CCDC169: variants seen among roughly 807,000 people sequenced by gnomAD.
The protein encoded by CCDC169 is coiled-coil domain-containing protein 169.
CCDC169 carries 30 observed loss-of-function variants against 36.0 expected under a neutral mutation model. That is an observed-to-expected ratio of 0.83 (90% CI 0.62 to 1.13). The LOEUF is 1.13. CCDC169 is among the 50% of genes most tolerant of loss of function. CCDC169 has a pLI of 0.00. For missense variants in CCDC169, 245 were observed against 245.9 expected, an observed-to-expected ratio of 1.00 and a Z score of 0.03; for synonymous variants, 85 against 81.5, an observed-to-expected ratio of 1.04 and a Z score of -0.23.
chr13:36,235,597 T>C (rs1469007030), intron 7 of CCDC169, among the ~76,000 whole-genome samples: 1 of 151,826 alleles, frequency 6.6e-6, no homozygotes, highest in Non-Finnish European at 1.5e-5. Context: ...TTACCACTTC[T>C]ATTCAACATT....
intron 2 of CCDC169, among the ~76,000 whole-genome samples, chr13:36,289,128 C>T (rs1878582214): frequency 6.6e-6 from 1 of 152,112 alleles, no homozygotes; most frequent in African/African-American, 2.4e-5. Context: ...TATTACTTTT[C>T]TCTTAATAAA....
At chr13:36,265,883 T>G (rs552214334) in intron 4 of CCDC169, among the ~76,000 whole-genome samples, 7 of 152,324 alleles carry the variant, frequency 4.6e-5, no homozygotes, top group Non-Finnish European at 8.8e-5. Context: ...ATTTGGAATT[T>G]GGTCATAGAT....
At chr13:36,242,398 C>T (rs1320397693) in intron 7 of CCDC169, among the ~76,000 whole-genome samples, 2 of 152,078 alleles carry the variant, frequency 1.3e-5, no homozygotes, top group East Asian at 3.9e-4. Context: ...CTGTGAGGTG[C>T]CTAATACCGT....
At chr13:36,288,659 G>C (rs1483380475) in intron 2 of CCDC169, among the ~76,000 whole-genome samples, 1 of 152,022 alleles carries the variant, frequency 6.6e-6, no homozygotes, top group Admixed American at 6.6e-5. Flanking sequence ...AAAATTTAAG[G>C]TTACTAAGAA....
chr13:36,281,147 G>C (rs67248236), intron 4 of CCDC169: 65 of 361,236 alleles, frequency 1.8e-4, no homozygotes, highest in South Asian at 1.3e-3. Context: ...CTTTAAACAC[G>C]AGGACAAAAG....
At chr13:36,231,731 T>G (rs1317978168) in intron 7 of CCDC169, among the ~76,000 whole-genome samples, 1 of 152,114 alleles carries the variant, frequency 6.6e-6, no homozygotes, top group Non-Finnish European at 1.5e-5. Context: ...TCTTAGGGGG[T>G]GATGGCAGCA....
At chr13:36,259,272 C>T (rs1425724443) in intron 4 of CCDC169, among the ~76,000 whole-genome samples, 1 of 152,148 alleles carries the variant, frequency 6.6e-6, no homozygotes, top group African/African-American at 2.4e-5. Flanking sequence ...ACCATCTTGT[C>T]GTGGCTTCCC....
At chr13:36,283,204 A>G (rs999429838) in intron 4 of CCDC169, 7 of 450,006 alleles carry the variant, frequency 1.6e-5, no homozygotes, top group African/African-American at 1.4e-4. Context: ...ATTTGTCTAT[A>G]TCTTTCTCTG....
At chr13:36,241,818 C>G (rs1237802628) in intron 7 of CCDC169, among the ~76,000 whole-genome samples, 2 of 152,076 alleles carry the variant, frequency 1.3e-5, no homozygotes, top group East Asian at 3.9e-4. Context: ...TATGGTTTGG[C>G]CCTTTGTCCC....
intron 2 of CCDC169, among the ~76,000 whole-genome samples, chr13:36,287,182 T>C (rs1310036314): frequency 1.3e-5 from 2 of 152,188 alleles, no homozygotes; most frequent in African/African-American, 2.4e-5. Flanking sequence ...TTCCCCTCTT[T>C]TCTGCCTGCT....
At chr13:36,295,998 C>G (rs1395424241) in intron 1 of CCDC169, 141 bp from the exon 2 acceptor site, 2 of 547,916 alleles carry the variant, frequency 3.7e-6, no homozygotes, top group African/African-American at 3.9e-5. Flanking sequence ...AAATAAGACT[C>G]AGGCAAAGGA....
intron 4 of CCDC169, among the ~76,000 whole-genome samples, chr13:36,268,369 G>T (rs879218039): frequency 1.3e-5 from 2 of 152,154 alleles, no homozygotes; most frequent in East Asian, 3.9e-4. Context: ...GCTCCTGAAT[G>T]ATATCTGGGT....
At chr13:36,259,107 C>A (rs1874289581) in intron 4 of CCDC169, among the ~76,000 whole-genome samples, 1 of 152,142 alleles carries the variant, frequency 6.6e-6, no homozygotes, top group Admixed American at 6.5e-5. Flanking sequence ...GGATCCTGCT[C>A]CCTCGGATAC....
chr13:36,227,713 C>T (rs1022137920), downstream of CCDC169, among the ~76,000 whole-genome samples: 1 of 152,100 alleles, frequency 6.6e-6, no homozygotes, highest in Non-Finnish European at 1.5e-5. Flanking sequence ...TTAGAGTATA[C>T]AATAGTTTTC....
intron 7 of CCDC169, among the ~76,000 whole-genome samples, chr13:36,232,273 T>A (rs1870521637): frequency 6.6e-6 from 1 of 152,162 alleles, no homozygotes; most frequent in Non-Finnish European, 1.5e-5. Context: ...TAACACCTAT[T>A]TCATTCCAAG....
At chr13:36,239,788 A>G (rs890334193) in intron 7 of CCDC169, among the ~76,000 whole-genome samples, 1 of 151,380 alleles carries the variant, frequency 6.6e-6, no homozygotes, top group African/African-American at 2.4e-5. Flanking sequence ...GTCAGTGCCG[A>G]TTTTCATTTA....
At chr13:36,248,876 A>G (rs992723812) in intron 6 of CCDC169, among the ~76,000 whole-genome samples, 194 bp from the exon 7 acceptor site, 3 of 149,538 alleles carry the variant, frequency 2.0e-5, no homozygotes. Flanking sequence ...AAATCCCCCT[A>G]TCTCAGCCCC....
intron 7 of CCDC169, among the ~76,000 whole-genome samples, chr13:36,237,067 TTG>T (rs1871171880): frequency 8.0e-6 from 1 of 124,608 alleles, no homozygotes. Flanking sequence ...TTTATTATTA[TTG>T]TATTATTATT....
chr13:36,278,136 T>G (rs969327537), intron 4 of CCDC169, among the ~76,000 whole-genome samples: 2 of 152,200 alleles, frequency 1.3e-5, no homozygotes, highest in African/African-American at 4.8e-5. Context: ...AGACTTGTTT[T>G]AATAAAATAG....
Sources: allele counts gnomAD v4.1 joint callset (sites outside exome capture counted in the v4.1 genomes callset), GRCh38; gene constraint gnomAD v4.1.1; transcripts MANE v1.5; gene names NCBI Gene and HGNC (gene_info 2026-07-23, HGNC 2026-07-21).